PTPRN2: variants seen among roughly 807,000 people sequenced by gnomAD.
The protein encoded by PTPRN2 is receptor-type tyrosine-protein phosphatase N2.
In PTPRN2, 74 loss-of-function variants were observed where a neutral mutation model predicts 118.8. The observed-to-expected ratio is 0.62, with a 90% confidence interval of 0.52 to 0.76. The LOEUF (loss-of-function observed/expected upper bound fraction) is 0.76. Among genes scored for constraint, PTPRN2 ranks in the 30% least tolerant of loss-of-function variants. PTPRN2 has a pLI of 0.00. For missense variants in PTPRN2, 1,481 were observed against 1,394.4 expected (o/e 1.06, Z -0.99); for synonymous variants, 641 against 608.0 (o/e 1.05, Z -0.80).
At chr7:158,058,196 C>T (rs1385480977) in intron 11 of PTPRN2, among the ~76,000 whole-genome samples, 1 of 150,538 alleles carries the variant, frequency 6.6e-6, no homozygotes, top group Non-Finnish European at 1.5e-5. Context: ...ACTGTAGCCA[C>T]ACTCCATCTG....
At chr7:158,241,046 G>A (rs1044407767) in intron 3 of PTPRN2, among the ~76,000 whole-genome samples, 10 of 152,176 alleles carry the variant, frequency 6.6e-5, no homozygotes, top group African/African-American at 1.2e-4. Context: ...CCCTGTGAAC[G>A]TGGATCATGG....
intron 10 of PTPRN2, among the ~76,000 whole-genome samples, chr7:158,089,274 A>G (rs866955243): frequency 7.8e-5 from 2 of 25,740 alleles, no homozygotes; most frequent in African/African-American, 1.6e-4. Flanking sequence ...CCCTGAGGAA[A>G]GAGGGAGTCT....
Position 157,590,617 on chromosome 7 carries a change from G to A in PTPRN2, c.2496+4621C>T, listed in dbSNP as rs1160257602. Among the ~76,000 whole-genome samples, 6 of 152,340 alleles carry A rather than the reference G, an allele frequency of 3.9e-5. No individual in the cohort carries two copies. Among genetic ancestry groups the A allele is most frequent in the South Asian group, 2.1e-4 (1 of 4,830 alleles). On this transcript the variant is annotated intron_variant, in intron 17 of 22. Coordinates refer to ENST00000389418, the MANE Select transcript of PTPRN2 (RefSeq NM_002847.5). This position sits in a 1 kb window ranked among gnomAD's most constrained non-coding sequence, Gnocchi z 4.0. Reference sequence around the variant, plus strand: ...CACGTTCTGGGCTCTGCTCAGGGACGCAGCACGGACAGAGGTGCTGTGGGC... The same window carrying A: ...CACGTTCTGGGCTCTGCTCAGGGACACAGCACGGACAGAGGTGCTGTGGGC...
chr7:157,749,826 G>A (rs557925498), intron 12 of PTPRN2, among the ~76,000 whole-genome samples: 16 of 144,712 alleles, frequency 1.1e-4, no homozygotes, highest in African/African-American at 3.9e-4. Flanking sequence ...TGATTTTGAG[G>A]CCTGCGTCCC....
At chr7:158,342,647 G>T (rs1423330119) in intron 2 of PTPRN2, among the ~76,000 whole-genome samples, 1 of 152,172 alleles carries the variant, frequency 6.6e-6, no homozygotes, top group African/African-American at 2.4e-5. Context: ...AGTCAACTCA[G>T]TCAGTCCTTA....
At chr7:158,273,463 G>GAC (rs1563072681) in intron 3 of PTPRN2, among the ~76,000 whole-genome samples, 10 of 76,194 alleles carry the variant, frequency 1.3e-4, no homozygotes, top group African/African-American at 9.8e-4. Flanking sequence ...CGCAGACGCA[G>GAC]GGGGAGCCGC....
At chr7:157,967,486 C>T (rs771161387) in intron 11 of PTPRN2, among the ~76,000 whole-genome samples, 9 of 152,094 alleles carry the variant, frequency 5.9e-5, no homozygotes, top group Admixed American at 3.3e-4. Context: ...ATTTACGTGG[C>T]TGGGAGTTGT....
rs1410858952 is a variant in PTPRN2 at position 157,869,624 on chromosome 7, T to C, written c.1788+29049A>G. ...TAAGGAAAAATGGGTACCCTCTGGA[T>C]ATATTTTAAGAATGGAAAACAAAAA... On this transcript the variant is annotated intron_variant, in intron 12 of 22. Coordinates refer to ENST00000389418, the MANE Select transcript of PTPRN2 (RefSeq NM_002847.5). The surrounding 1 kb of genome is among the most constrained non-coding windows in gnomAD (Gnocchi z 4.2). Among the ~76,000 whole-genome samples, 1 of 152,058 alleles carries C rather than the reference T, an allele frequency of 6.6e-6. No individual in the cohort carries two copies. The highest frequency in any genetic ancestry group is 2.4e-5 in the African/African-American group (1 of 41,394).
chr7:158,387,578 G>GCA (rs1811576905), intron 2 of PTPRN2, among the ~76,000 whole-genome samples: 4 of 16,942 alleles, frequency 2.4e-4, no homozygotes, highest in Non-Finnish European at 3.5e-4. Flanking sequence ...TGTCAGCTCA[G>GCA]CTTGGCCCGG....
At chr7:157,873,435 C>T (rs550421479) in intron 12 of PTPRN2, among the ~76,000 whole-genome samples, 2 of 152,158 alleles carry the variant, frequency 1.3e-5, no homozygotes, top group African/African-American at 2.4e-5. Context: ...GTGCTGGGAG[C>T]GTCTGCAAGG....
chr7:158,296,036 G>A (rs1223282352), intron 3 of PTPRN2, among the ~76,000 whole-genome samples: 1 of 152,220 alleles, frequency 6.6e-6, no homozygotes, highest in African/African-American at 2.4e-5. Context: ...GCTGGGTGGA[G>A]AAGGGCGGGT....
Position 157,785,682 on chromosome 7 carries a change from G to T in PTPRN2, c.1789-102745C>A, listed in dbSNP as rs958218757. On this transcript the variant is annotated intron_variant, in intron 12 of 22. Coordinates refer to ENST00000389418, the MANE Select transcript of PTPRN2 (RefSeq NM_002847.5). This position sits in a 1 kb window ranked among gnomAD's most constrained non-coding sequence, Gnocchi z 7.3. Reference sequence around the variant, plus strand: ...GGAGACCGTGGGCACAGCACACCAAGGGGGAGCCTGCTCAGAGATGGGCAT... The same window carrying T: ...GGAGACCGTGGGCACAGCACACCAATGGGGAGCCTGCTCAGAGATGGGCAT... Among the ~76,000 whole-genome samples the T allele has an allele frequency of 6.6e-6, 1 of 152,164 alleles. No individual in the cohort carries two copies. Among genetic ancestry groups the T allele is most frequent in the East Asian group, 1.9e-4 (1 of 5,172 alleles).
At chr7:158,350,643 C>G (rs1471249450) in intron 2 of PTPRN2, among the ~76,000 whole-genome samples, 3 of 152,128 alleles carry the variant, frequency 2.0e-5, no homozygotes, top group Non-Finnish European at 1.5e-5. Flanking sequence ...AAGGAAGGTG[C>G]CAGAGCTGCT....
chr7:158,344,374 C>T (rs981772015), intron 2 of PTPRN2, among the ~76,000 whole-genome samples: 5 of 152,276 alleles, frequency 3.3e-5, no homozygotes, highest in South Asian at 2.1e-4. Context: ...TGGCCCCAGT[C>T]GCAGGCAAGG....
At chr7:158,317,021 G>T in intron 2 of PTPRN2, 89 bp from the exon 3 acceptor site, 2 of 964,592 alleles carry the variant, frequency 2.1e-6, no homozygotes, top group Non-Finnish European at 3.0e-6. Flanking sequence ...AATGCGTTCT[G>T]ATCATGTGCC....
chr7:158,359,853 GT>G (rs1808715189), intron 2 of PTPRN2, among the ~76,000 whole-genome samples: 1 of 152,112 alleles, frequency 6.6e-6, no homozygotes, highest in South Asian at 2.1e-4. Flanking sequence ...TCCTCTGACA[GT>G]TTTTAATATA....
intron 14 of PTPRN2, among the ~76,000 whole-genome samples, chr7:157,639,632 C>A (rs1034111370): frequency 3.3e-5 from 5 of 152,216 alleles, no homozygotes; most frequent in Non-Finnish European, 5.9e-5. Flanking sequence ...GCCGCTCAAG[C>A]CCTGGGTGGA....
intron 12 of PTPRN2, among the ~76,000 whole-genome samples, chr7:157,841,301 A>G (rs1470348437): frequency 6.6e-6 from 1 of 152,226 alleles, no homozygotes; most frequent in Non-Finnish European, 1.5e-5. Context: ...ATCGGTGAAG[A>G]GACAAAACTG....
chr7:158,258,074 C>T (rs1013604369), intron 3 of PTPRN2, among the ~76,000 whole-genome samples: 3 of 152,190 alleles, frequency 2.0e-5, no homozygotes, highest in East Asian at 1.9e-4. Context: ...GATAACTGGG[C>T]GGGAGCCTGA....
Sources: allele counts gnomAD v4.1 joint callset (sites outside exome capture counted in the v4.1 genomes callset), GRCh38; gene constraint gnomAD v4.1.1; non-coding constraint Gnocchi (gnomAD v3.1); transcripts MANE v1.5; gene names NCBI Gene and HGNC (gene_info 2026-07-23, HGNC 2026-07-21).